The following DLGAP1 variants were observed in gnomAD, a reference collection of about 807,000 sequenced individuals.
DLGAP1 encodes the protein DLG associated protein 1.
Under a neutral mutation model 90.8 loss-of-function variants are expected in DLGAP1, and 11 were observed. The observed-to-expected ratio is 0.12, with a 90% CI of 0.08 to 0.20. The LOEUF is 0.20. Ranked by LOEUF, DLGAP1 falls within the 10% of genes least tolerant of loss-of-function variation. The pLI, the probability that DLGAP1 is intolerant of heterozygous loss-of-function variation, is 1.00. For synonymous variants in DLGAP1, 558 were observed against 540.7 expected (o/e 1.03, Z -0.44); for missense variants, 1,050 against 1,333.8 (o/e 0.79, Z 3.31).
intron 7 of DLGAP1, among the ~76,000 whole-genome samples, chr18:3,637,751 A>C (rs1275920439): frequency 2.0e-5 from 3 of 151,856 alleles, no homozygotes; most frequent in Non-Finnish European, 4.4e-5. Context: ...TGTCTCAAAA[A>C]TTAAAAAAAA....
chr18:3,750,342 C>T (rs1362420222), intron 5 of DLGAP1, among the ~76,000 whole-genome samples: 2 of 152,128 alleles, frequency 1.3e-5, no homozygotes, highest in East Asian at 1.9e-4. Context: ...GGTGTGTATG[C>T]ACCATATTTC....
chr18:4,146,328 A>G lies in DLGAP1; in HGVS notation c.-159+4852T>C, dbSNP rs578212880. On this transcript the variant is annotated intron_variant, in intron 2 of 12. Transcript: ENST00000315677. Reference sequence around the variant, plus strand: ...TTCAGTCCATTCGCCACGTTCACACAGTTAATAAATGAAAGAGCCGAGTTT... The same window carrying G: ...TTCAGTCCATTCGCCACGTTCACACGGTTAATAAATGAAAGAGCCGAGTTT... 2.0e-5 allele frequency among the ~76,000 whole-genome samples: 3 copies of G among 152,320 alleles called. No homozygotes were observed. In the South Asian group the frequency reaches 6.2e-4, roughly 32 times the overall value.
intron 2 of DLGAP1, among the ~76,000 whole-genome samples, chr18:4,058,883 A>G (rs1270426841): frequency 5.3e-5 from 8 of 152,206 alleles, no homozygotes; most frequent in Non-Finnish European, 1.2e-4. Flanking sequence ...ATCTGAGAAA[A>G]GAGACAATCA....
intron 5 of DLGAP1, among the ~76,000 whole-genome samples, chr18:3,802,511 G>A (rs988861949): frequency 1.3e-5 from 2 of 152,114 alleles, no homozygotes; most frequent in Admixed American, 6.5e-5. Flanking sequence ...TTCCTCCTCC[G>A]TAGTCTGTTG....
In DLGAP1 at chr18:4,171,579, A is replaced by G. The variant is rs2077026933; in HGVS notation, c.-266-20292T>C. On this transcript the variant is annotated intron_variant, in intron 1 of 12. Coordinates refer to ENST00000315677, the MANE Select transcript of DLGAP1 (RefSeq NM_004746.4). ...GACTCCATCTCAAAAAAAAAAAAAG[A>G]AAAAAAAGAAAGTATCTTTAGGAGG... Among the ~76,000 whole-genome samples the G allele has an allele frequency of 2.6e-5, 4 of 151,392 alleles. No individual in the cohort carries two copies. The South Asian group carries it at 8.3e-4, about 32-fold the overall frequency.
chr18:3,572,017 T>G (rs2054820168), intron 8 of DLGAP1, among the ~76,000 whole-genome samples: 1 of 151,952 alleles, frequency 6.6e-6, no homozygotes, highest in Admixed American at 6.5e-5. Flanking sequence ...GTATTTATAT[T>G]ATATTCTTTC....
intron 7 of DLGAP1, among the ~76,000 whole-genome samples, chr18:3,671,881 C>G (rs1598289090): frequency 1.3e-5 from 2 of 152,244 alleles, no homozygotes; most frequent in East Asian, 3.9e-4. Context: ...TCATGCACCC[C>G]CTTGGGCAAA....
chr18:4,445,972 C>T (rs375905556), intron 1 of DLGAP1, among the ~76,000 whole-genome samples: 3 of 151,826 alleles, frequency 2.0e-5, no homozygotes, highest in Non-Finnish European at 4.4e-5. Context: ...GAAAGAAAAC[C>T]CCTGAGGCTC....
chr18:3,701,538 G>C (rs2061279938), intron 7 of DLGAP1, among the ~76,000 whole-genome samples: 1 of 152,232 alleles, frequency 6.6e-6, no homozygotes, highest in Admixed American at 6.5e-5. Context: ...TTTGGTGCCA[G>C]CTAGTTGAGC....
chr18:4,080,484 A>C (rs756031201), intron 2 of DLGAP1, among the ~76,000 whole-genome samples: 20 of 150,738 alleles, frequency 1.3e-4, no homozygotes, highest in Non-Finnish European at 2.1e-4. Flanking sequence ...ACATGATAAT[A>C]GCTGCAAAGC....
In DLGAP1 at chr18:4,383,917, G is replaced by C. The variant is rs2082179135; in HGVS notation, c.-267+71089C>G. ...TCTGGATCAATTATCCAGACTCAGG[G>C]AAATGGAAAAGATTAGTGTAAAACA... On this transcript the variant is annotated intron_variant, in intron 1 of 12. Transcript: ENST00000315677. The surrounding 1 kb of genome is among the most constrained non-coding windows in gnomAD (Gnocchi z 4.0). 6.6e-6 allele frequency among the ~76,000 whole-genome samples: 1 copy of C among 151,992 alleles called. No homozygotes were observed. Among genetic ancestry groups the C allele is most frequent in the Admixed American group, 6.6e-5 (1 of 15,242 alleles).
intron 1 of DLGAP1, among the ~76,000 whole-genome samples, chr18:4,382,049 C>T (rs773034206): frequency 4.6e-5 from 7 of 152,116 alleles, no homozygotes; most frequent in East Asian, 1.9e-4. Flanking sequence ...AGACTTGCCC[C>T]CATGATTCAA....
intron 2 of DLGAP1, among the ~76,000 whole-genome samples, chr18:4,069,390 C>T (rs903244624): frequency 3.9e-5 from 6 of 152,068 alleles, no homozygotes; most frequent in African/African-American, 1.4e-4. Context: ...CTGACTGATA[C>T]GGTTTGGATG....
intron 4 of DLGAP1, among the ~76,000 whole-genome samples, chr18:3,864,720 T>A (rs2070282311): frequency 6.6e-6 from 1 of 152,282 alleles, no homozygotes; most frequent in Admixed American, 6.5e-5. Flanking sequence ...TTGTCTGTTA[T>A]AAGGATTTAA....
chr18:4,276,470 T>C (rs2079417672), intron 1 of DLGAP1, among the ~76,000 whole-genome samples: 1 of 151,884 alleles, frequency 6.6e-6, no homozygotes, highest in South Asian at 2.1e-4. Flanking sequence ...ACCCTGTCTC[T>C]ACTAAAAATA....
chr18:4,382,548 C>A (rs1276156979), intron 1 of DLGAP1, among the ~76,000 whole-genome samples: 1 of 146,756 alleles, frequency 6.8e-6, no homozygotes, highest in Non-Finnish European at 1.5e-5. Flanking sequence ...AAGTTCCTTA[C>A]TCTGTAACTA....
chr18:4,331,593 C>G (rs538829728), intron 1 of DLGAP1, among the ~76,000 whole-genome samples: 1 of 151,878 alleles, frequency 6.6e-6, no homozygotes, highest in African/African-American at 2.4e-5. Flanking sequence ...TCCCCTGGTC[C>G]CTTCCCATTG....
chr18:4,257,528 T>C (rs1193707546), intron 1 of DLGAP1, among the ~76,000 whole-genome samples: 1 of 152,242 alleles, frequency 6.6e-6, no homozygotes, highest in Non-Finnish European at 1.5e-5. Context: ...TTATACATTA[T>C]ATCATTTACA....
intron 2 of DLGAP1, among the ~76,000 whole-genome samples, chr18:4,140,706 C>T (rs2076481733): frequency 6.6e-6 from 1 of 152,006 alleles, no homozygotes; most frequent in Non-Finnish European, 1.5e-5. Context: ...CTCCCTTTAG[C>T]ATTTCTTGTA....
Sources: gnomAD v4.1 joint callset for allele counts (sites outside exome capture counted in the v4.1 genomes callset) on GRCh38, gnomAD v4.1.1 for gene constraint, Gnocchi (gnomAD v3.1) non-coding constraint, MANE v1.5 for transcripts, NCBI Gene and HGNC (gene_info 2026-07-23, HGNC 2026-07-21) for gene names.